The following CDH4 variants were observed in gnomAD, a reference collection of about 807,000 sequenced individuals.
CDH4 encodes cadherin-4.
CDH4 carries 33 observed loss-of-function variants against 86.0 expected under a neutral mutation model. That is an observed-to-expected ratio of 0.38 (90% CI 0.29 to 0.51). The LOEUF (loss-of-function observed/expected upper bound fraction) is 0.51. Among genes scored for constraint, CDH4 ranks in the 20% least tolerant of loss-of-function variants. CDH4 has a pLI of 0.86. For missense variants in CDH4, 1,114 were observed against 1,307.4 expected (o/e 0.85, Z 2.28); for synonymous variants, 555 against 549.4 (o/e 1.01, Z -0.14).
chr20:61,867,000 C>T (rs747592243), intron 6 of CDH4, among the ~76,000 whole-genome samples: 4 of 152,190 alleles, frequency 2.6e-5, no homozygotes, highest in Admixed American at 1.3e-4. Flanking sequence ...ATGATGCCGA[C>T]GGCTGGGGGT....
rs184947760 is a variant in CDH4 at position 61,591,500 on chromosome 20, T to C, written c.170-152063T>C. ...TTGTGATGCATTGTTTGGGTTGAAATAGATGAAAAAAAAATCAGCCTCACT... is the reference window on the plus strand; with the variant it reads ...TTGTGATGCATTGTTTGGGTTGAAACAGATGAAAAAAAAATCAGCCTCACT... On this transcript the variant is annotated intron_variant, in intron 2 of 15. Transcript: ENST00000614565. Among the ~76,000 whole-genome samples, 431 of 152,060 alleles carry C rather than the reference T, an allele frequency of 2.8e-3. 2 individuals carry two copies. Among genetic ancestry groups the C allele is most frequent in the Admixed American group, 0.015 (228 of 15,286 alleles).
intron 2 of CDH4, among the ~76,000 whole-genome samples, chr20:61,372,984 T>A (rs748763986): frequency 6.6e-5 from 10 of 152,204 alleles, no homozygotes; most frequent in Non-Finnish European, 1.0e-4. Flanking sequence ...TACTTCAGAT[T>A]TTTTTTTCAT....
At chr20:61,321,919 G>A (rs541081335) in intron 2 of CDH4, among the ~76,000 whole-genome samples, 1 of 151,190 alleles carries the variant, frequency 6.6e-6, no homozygotes, top group African/African-American at 2.4e-5. Context: ...ATAATATATT[G>A]TAGCATATAT....
At chr20:61,547,930 C>A (rs2086101028) in intron 2 of CDH4, among the ~76,000 whole-genome samples, 1 of 152,240 alleles carries the variant, frequency 6.6e-6, no homozygotes, top group African/African-American at 2.4e-5. Flanking sequence ...ATAGAGTAAG[C>A]TTTAGATAAC....
At position 61,384,884 on chromosome 20, in the gene CDH4, T is replaced by A. The variant is rs569477218; in HGVS notation, c.169+129947T>A. ...CTCTAAGTCTGATCCCTCTCAGTCC[T>A]GATGTTTGCAGTTCTGATTCTATTG... On this transcript the variant is annotated intron_variant, in intron 2 of 15. Transcript: ENST00000614565. 6.6e-5 allele frequency among the ~76,000 whole-genome samples: 10 copies of A among 152,344 alleles called. No individual in the cohort carries two copies. In the East Asian group the frequency reaches 1.9e-3, roughly 29 times the overall value.
At chr20:61,828,382 A>G (rs555609908) in intron 4 of CDH4, among the ~76,000 whole-genome samples, 1 of 152,340 alleles carries the variant, frequency 6.6e-6, no homozygotes, top group African/African-American at 2.4e-5. Flanking sequence ...AAAGAGAGGG[A>G]GACAGATTAA....
chr20:61,485,731 C>T (rs1310459618), intron 2 of CDH4, among the ~76,000 whole-genome samples: 5 of 152,276 alleles, frequency 3.3e-5, no homozygotes, highest in African/African-American at 9.6e-5. Context: ...CCAGGTACCA[C>T]TGCCCATCTG....
chr20:61,882,440 G>A (rs923213832), intron 7 of CDH4, among the ~76,000 whole-genome samples: 2 of 152,202 alleles, frequency 1.3e-5, no homozygotes, highest in Non-Finnish European at 2.9e-5. Context: ...GGTCAACATC[G>A]AAACGAGAGA....
At chr20:61,322,238 C>A (rs2084512812) in intron 2 of CDH4, among the ~76,000 whole-genome samples, 1 of 152,192 alleles carries the variant, frequency 6.6e-6, no homozygotes, top group Non-Finnish European at 1.5e-5. Context: ...TGACTAACTA[C>A]CCCCCATCCC....
intron 2 of CDH4, among the ~76,000 whole-genome samples, chr20:61,342,807 C>T (rs1294218652): frequency 3.3e-5 from 5 of 152,202 alleles, no homozygotes; most frequent in Admixed American, 1.3e-4. Context: ...TCATGGAGAC[C>T]GTGAGAGCCC....
intron 2 of CDH4, among the ~76,000 whole-genome samples, chr20:61,378,369 T>G (rs1463121680): frequency 6.6e-6 from 1 of 152,208 alleles, no homozygotes; most frequent in African/African-American, 2.4e-5. Flanking sequence ...GTGGGTGGCT[T>G]AGAACAACAG....
intron 3 of CDH4, among the ~76,000 whole-genome samples, chr20:61,761,943 C>T (rs917559521): frequency 2.6e-5 from 4 of 151,902 alleles, no homozygotes; most frequent in East Asian, 1.9e-4. Flanking sequence ...CAGCGCCGCA[C>T]GGCAGGCAGC....
chr20:61,882,904 C>G (rs1450612010), intron 7 of CDH4, among the ~76,000 whole-genome samples: 1 of 151,656 alleles, frequency 6.6e-6, no homozygotes, highest in Admixed American at 6.6e-5. Context: ...TCCACTGTCT[C>G]CCCCACACCC....
chr20:61,496,678 C>T (rs533283735), intron 2 of CDH4, among the ~76,000 whole-genome samples: 8 of 152,338 alleles, frequency 5.3e-5, no homozygotes, highest in Admixed American at 2.0e-4. Context: ...GACCAAGACT[C>T]CAATCAAGAT....
chr20:61,887,118 C>G (rs908703709), intron 7 of CDH4, among the ~76,000 whole-genome samples: 1 of 152,170 alleles, frequency 6.6e-6, no homozygotes, highest in African/African-American at 2.4e-5. Context: ...ACCCTCTCAC[C>G]CCAGAGAACA....
At chr20:61,261,863 G>A (rs952510220) in intron 2 of CDH4, among the ~76,000 whole-genome samples, 8 of 152,208 alleles carry the variant, frequency 5.3e-5, no homozygotes, top group African/African-American at 1.4e-4. Context: ...CTAAACTCTC[G>A]ACACCGGGGG....
intron 2 of CDH4, among the ~76,000 whole-genome samples, chr20:61,328,574 A>G (rs1476938045): frequency 6.6e-6 from 1 of 152,206 alleles, no homozygotes; most frequent in Non-Finnish European, 1.5e-5. Flanking sequence ...GCTTGAGCCC[A>G]GGAGTTCAAG....
intron 2 of CDH4, among the ~76,000 whole-genome samples, chr20:61,364,826 C>T (rs1441441420): frequency 6.6e-6 from 1 of 152,196 alleles, no homozygotes; most frequent in Admixed American, 6.5e-5. Flanking sequence ...TTGCAAGATC[C>T]CTTGTGGCTT....
chr20:61,920,373 T>TTGTG (rs148803494), intron 9 of CDH4, among the ~76,000 whole-genome samples: 145,928 of 146,514 alleles, frequency 1, 72,671 homozygotes, highest in Middle Eastern at 1. Flanking sequence ...CGTGTCGTGA[T>TTGTG]TGGAAGCGTG....
Sources: gnomAD v4.1 joint callset for allele counts (sites outside exome capture counted in the v4.1 genomes callset) on GRCh38, gnomAD v4.1.1 for gene constraint, MANE v1.5 for transcripts, NCBI Gene and HGNC (gene_info 2026-07-23, HGNC 2026-07-21) for gene names.